The following PDE4D variants were observed in gnomAD, a reference collection of about 807,000 sequenced individuals.
PDE4D encodes the protein phosphodiesterase 4D.
A neutral mutation model predicts 87.4 loss-of-function variants in PDE4D; 24 were observed. The ratio of observed to expected loss-of-function variants is 0.27; its 90% CI spans 0.20 to 0.39. The LOEUF (loss-of-function observed/expected upper bound fraction) is 0.39. PDE4D is among the 10% of genes least tolerant of loss of function. The probability of loss-of-function intolerance (pLI) is 1.00; values close to 1 mark genes in which losing one functional copy is unlikely to be tolerated. For missense variants in PDE4D, 714 were observed against 1,041.0 expected, an observed-to-expected ratio of 0.69 and a Z score of 4.32; for synonymous variants, 384 against 383.2, an observed-to-expected ratio of 1.00 and a Z score of -0.02.
At chr5:59,692,627 T>A (rs1751154700) in intron 1 of PDE4D, among the ~76,000 whole-genome samples, 1 of 152,152 alleles carries the variant, frequency 6.6e-6, no homozygotes, top group African/African-American at 2.4e-5. Flanking sequence ...TATCTCATGT[T>A]GTAGAGTATT....
At chr5:59,135,891 A>C (rs1776991079) in intron 5 of PDE4D, among the ~76,000 whole-genome samples, 1 of 152,218 alleles carries the variant, frequency 6.6e-6, no homozygotes, top group South Asian at 2.1e-4. Flanking sequence ...TTATTTAAAA[A>C]ACATTTATTG....
chr5:59,551,696 T>C (rs1257030525), intron 1 of PDE4D, among the ~76,000 whole-genome samples: 2 of 152,202 alleles, frequency 1.3e-5, no homozygotes, highest in East Asian at 3.8e-4. Flanking sequence ...TTCAACTTTT[T>C]CTTGATTTTC....
At chr5:59,159,991 TGACAGG>T (rs1780806954) in intron 5 of PDE4D, among the ~76,000 whole-genome samples, 1 of 152,158 alleles carries the variant, frequency 6.6e-6, no homozygotes, top group Non-Finnish European at 1.5e-5. Context: ...CATTTGTGAA[TGACAGG>T]GAAGTACAAA....
chr5:60,070,711 C>T (rs962300304), intron 2 of PDE4D, among the ~76,000 whole-genome samples: 2 of 151,826 alleles, frequency 1.3e-5, no homozygotes, highest in Non-Finnish European at 2.9e-5. Context: ...TGGACATGTT[C>T]CCTCTCCCCT....
intron 1 of PDE4D, among the ~76,000 whole-genome samples, chr5:59,617,917 G>A (rs531057304): frequency 1.2e-4 from 18 of 152,194 alleles, no homozygotes; most frequent in African/African-American, 4.1e-4. Context: ...ACTAAGTAGT[G>A]GCCTCTTTTC....
intron 1 of PDE4D, among the ~76,000 whole-genome samples, chr5:59,461,468 A>T (rs1800776383): frequency 6.6e-6 from 1 of 152,204 alleles, no homozygotes; most frequent in Admixed American, 6.5e-5. Context: ...CCTAAGGGAC[A>T]CTATAAAACA....
chr5:59,758,868 T>C (rs1424604367), intron 1 of PDE4D, among the ~76,000 whole-genome samples: 1 of 152,190 alleles, frequency 6.6e-6, no homozygotes, highest in South Asian at 2.1e-4. Flanking sequence ...GTAAATTTAA[T>C]TAGTCATTAC....
At chr5:59,797,010 G>A (rs1333443953) in intron 1 of PDE4D, 4 of 151,812 alleles carry the variant, frequency 2.6e-5, no homozygotes, top group Admixed American at 6.6e-5. Context: ...AGCTTTTATT[G>A]TTCAGAATTG....
In PDE4D at chr5:59,955,421, G is replaced by A. The variant is rs370116002; in HGVS notation, c.272+33067C>T. On this transcript the variant is annotated intron_variant, in intron 3 of 16. Coordinates refer to the PDE4D transcript ENST00000502484. ...CAGTTATTCTGTTCAGTGGGTGCCT[G>A]CCAACTCACAGGAACATGCTGCCCC... Among the ~76,000 whole-genome samples, 9 of 152,230 alleles carry A rather than the reference G, an allele frequency of 5.9e-5. No homozygotes were observed. In the South Asian group the frequency reaches 8.3e-4, roughly 14 times the overall value.
intron 5 of PDE4D, among the ~76,000 whole-genome samples, chr5:59,090,354 A>T (rs746878042): frequency 6.6e-6 from 1 of 152,090 alleles, no homozygotes; most frequent in Non-Finnish European, 1.5e-5. Context: ...ATACAACCTG[A>T]ATTCTGTTCG....
chr5:60,388,796 T>C (rs1325896900), intron 1 of PDE4D, among the ~76,000 whole-genome samples: 1 of 152,104 alleles, frequency 6.6e-6, no homozygotes, highest in Non-Finnish European at 1.5e-5. Flanking sequence ...ATAACAAGGA[T>C]TATGGGAGCT....
At chr5:60,047,645 C>G (rs1420258897) in intron 2 of PDE4D, among the ~76,000 whole-genome samples, 1 of 152,074 alleles carries the variant, frequency 6.6e-6, no homozygotes, top group African/African-American at 2.4e-5. Flanking sequence ...CATTCAGGAG[C>G]AGGTTGTTCA....
intron 1 of PDE4D, among the ~76,000 whole-genome samples, chr5:59,306,010 T>A (rs1160386059): frequency 1.3e-5 from 2 of 152,190 alleles, no homozygotes; most frequent in Non-Finnish European, 2.9e-5. Flanking sequence ...ACTATTGTTG[T>A]GTTGCTGTCT....
Position 59,574,224 on chromosome 5 carries a change from C to T in PDE4D, c.455+318944G>A, listed in dbSNP as rs139824344. On this transcript the variant is annotated intron_variant, in intron 1 of 14. Coordinates refer to ENST00000340635, the MANE Select transcript of PDE4D (RefSeq NM_001104631.2). Reference sequence around the variant, plus strand: ...TTCCTTCCCCAAGAGGATTCTGGTGCCGTTTGTAAAGGTAATATATATATA... The same window carrying T: ...TTCCTTCCCCAAGAGGATTCTGGTGTCGTTTGTAAAGGTAATATATATATA... Among the ~76,000 whole-genome samples the T allele has an allele frequency of 6.3e-3, 866 of 138,184 alleles. 2 individuals are homozygous for T. The highest frequency in any genetic ancestry group is 9.7e-3 in the Non-Finnish European group (627 of 64,760). The allele number at this position is 138,184 out of a possible 152,430, so 90.7% of individuals were successfully genotyped here.
In PDE4D at chr5:59,999,308, C is replaced by T. The variant is rs181527509; in HGVS notation, c.43-10591G>A. Among the ~76,000 whole-genome samples, 12 of 152,152 alleles carry T rather than the reference C, an allele frequency of 7.9e-5. No homozygotes were observed. The East Asian group carries it at 1.7e-3, about 22-fold the overall frequency. The stretch of plus-strand genomic sequence containing the variant: ...GTCTGAGAGACTGGTTTCTGTCTTG[C>T]CTGATTCAGAGCACTAATGGAATCT... On this transcript the variant is annotated intron_variant, in intron 2 of 16. Transcript: ENST00000502484.
chr5:58,999,553 G>T, intron 6 of PDE4D: 1 of 1,064,404 alleles, frequency 9.4e-7, no homozygotes, highest in Non-Finnish European at 1.3e-6. Flanking sequence ...TTGATTATAT[G>T]TATATATATA....
intron 1 of PDE4D, among the ~76,000 whole-genome samples, chr5:59,624,427 T>C (rs1055122709): frequency 3.9e-5 from 6 of 152,192 alleles, no homozygotes; most frequent in Admixed American, 2.6e-4. Flanking sequence ...CTCCTCCCTT[T>C]GCTTTACCCC....
intron 1 of PDE4D, among the ~76,000 whole-genome samples, chr5:60,297,343 T>A (rs909903786): frequency 6.6e-6 from 1 of 152,058 alleles, no homozygotes; most frequent in African/African-American, 2.4e-5. Context: ...TATAAAGTAA[T>A]GAAAGCTACA....
At chr5:59,973,084 A>G (rs1760949465) in intron 3 of PDE4D, among the ~76,000 whole-genome samples, 1 of 152,166 alleles carries the variant, frequency 6.6e-6, no homozygotes, top group Non-Finnish European at 1.5e-5. Context: ...GTGAAAAACA[A>G]AAGTTCATGA....
Sources: gnomAD v4.1 joint callset for allele counts (sites outside exome capture counted in the v4.1 genomes callset) on GRCh38, gnomAD v4.1.1 for gene constraint, MANE v1.5 for transcripts, NCBI Gene and HGNC (gene_info 2026-07-23, HGNC 2026-07-21) for gene names.